FAM163B: variants seen among roughly 807,000 people sequenced by gnomAD.
FAM163B encodes family with sequence similarity 163 member B.
A neutral mutation model predicts 7.6 loss-of-function variants in FAM163B; 4 were observed. The observed-to-expected ratio is 0.52, with a 90% CI of 0.26 to 1.20. FAM163B has a LOEUF of 1.20. Ranked by LOEUF, FAM163B falls within the 50% of genes most tolerant of loss-of-function variation. The probability of loss-of-function intolerance (pLI) is 0.14; values close to 1 mark genes in which losing one functional copy is unlikely to be tolerated. For missense variants in FAM163B, 250 were observed against 243.0 expected, an observed-to-expected ratio of 1.03 and a Z score of -0.19; for synonymous variants, 120 against 111.6, an observed-to-expected ratio of 1.07 and a Z score of -0.47.
At chr9:133,592,502 G>T (rs1831569168) in intron 1 of FAM163B, among the ~76,000 whole-genome samples, 1 of 152,192 alleles carries the variant, frequency 6.6e-6, no homozygotes, top group Admixed American at 6.5e-5. Context: ...TTCCAGGAAG[G>T]TGCCCACGCT....
In FAM163B at chr9:133,609,376, G is replaced by T. The variant is rs148428140; in HGVS notation, c.-323C>A. On this transcript the variant is annotated 5_prime_UTR_variant, in exon 1 of 3. Transcript: ENST00000673969. ...GCGCGGCTCCAGCCTGGTCCCGAGC[G>T]CAGGGCGCGCGCTGGCGGGGAGGGC... 0.068 allele frequency among the ~76,000 whole-genome samples: 10,174 copies of T among 149,662 alleles called. 477 individuals are homozygous for T. Among genetic ancestry groups the T allele is most frequent in the Non-Finnish European group, 0.11 (7,476 of 67,112 alleles).
chr9:133,598,667 T>C (rs1831666939), intron 1 of FAM163B, among the ~76,000 whole-genome samples: 1 of 152,000 alleles, frequency 6.6e-6, no homozygotes, highest in Non-Finnish European at 1.5e-5. Context: ...AGTGGTGAAT[T>C]AGAATAACGC....
intron 1 of FAM163B, among the ~76,000 whole-genome samples, chr9:133,596,406 CG>C (rs1028728827): frequency 2.6e-5 from 1 of 37,740 alleles, no homozygotes; most frequent in South Asian, 6.9e-4. Flanking sequence ...AACTGGTGGG[CG>C]GGGGCGGGGG....
rs1296079611 is a variant in FAM163B at position 133,606,708 on chromosome 9, G to A, written c.-24+2369C>T. Among the ~76,000 whole-genome samples, 1 of 152,240 alleles carries A rather than the reference G, an allele frequency of 6.6e-6. No homozygotes were observed. The highest frequency in any genetic ancestry group is 1.5e-5 in the Non-Finnish European group (1 of 68,040). ...TACTCTGAAGAGGGAAGTGGCGGTA[G>A]GGCCAGGAGCGGAGTGGAGGACAGA... On this transcript the variant is annotated intron_variant, in intron 1 of 2. Transcript: ENST00000673969. This position sits in a 1 kb window ranked among gnomAD's most constrained non-coding sequence, Gnocchi z 4.0.
intron 1 of FAM163B, among the ~76,000 whole-genome samples, chr9:133,593,050 C>T (rs3025298): frequency 1.3e-5 from 2 of 152,240 alleles, no homozygotes; most frequent in South Asian, 2.1e-4. Flanking sequence ...GTGTGAGTGC[C>T]GTGTGCGCCT....
intron 1 of FAM163B, among the ~76,000 whole-genome samples, chr9:133,590,064 TCCCCTTCCCTTCCCCTTC>T (rs1564193407): frequency 5.9e-4 from 9 of 15,346 alleles, no homozygotes; most frequent in African/African-American, 1.0e-3. Flanking sequence ...TCCCTTCCCT[TCCCCTTCCCTTCCCCTTC>T]CCCTTCCCTT....
Position 133,606,117 on chromosome 9 carries a change from C to T in FAM163B, c.-24+2960G>A, listed in dbSNP as rs986435524. ...AGCCTCCTCCTTCACTGATGAGGCC[C>T]GAGGGAAGGAGGAGGCACAGTCTCC... On this transcript the variant is annotated intron_variant, in intron 1 of 2. Transcript: ENST00000673969. The surrounding 1 kb of genome is among the most constrained non-coding windows in gnomAD (Gnocchi z 4.0). Among the ~76,000 whole-genome samples the T allele has an allele frequency of 2.0e-5, 3 of 152,126 alleles. No individual in the cohort carries two copies. Among genetic ancestry groups the T allele is most frequent in the Non-Finnish European group, 4.4e-5 (3 of 68,016 alleles).
chr9:133,595,552 C>G (rs1831617618), intron 1 of FAM163B, among the ~76,000 whole-genome samples: 2 of 152,146 alleles, frequency 1.3e-5, no homozygotes, highest in Admixed American at 6.5e-5. Context: ...GGGCATTGTG[C>G]TCTCCCCGAT....
chr9:133,586,914 C>T (rs977786303), intron 1 of FAM163B, among the ~76,000 whole-genome samples: 367 of 152,274 alleles, frequency 2.4e-3, no homozygotes, highest in African/African-American at 8.4e-3. Flanking sequence ...CCAGCGTAGG[C>T]GGCTTTCCCA....
chr9:133,579,361 G>C lies in FAM163B; in HGVS notation c.162C>G (p.His54Gln). The C allele has an allele frequency of 6.2e-7, 1 of 1,612,928 alleles. No individual in the cohort carries two copies. The highest frequency in any genetic ancestry group is 8.5e-7 in the Non-Finnish European group (1 of 1,179,756). Residue 54 changes from histidine (H) to glutamine (Q), a missense_variant, in exon 3 of 3, where the codon CAC becomes CAG. Coordinates refer to ENST00000673969, the MANE Select transcript of FAM163B (RefSeq NM_001080515.3). ...TGCGGTTGGAGTGCAGCGGGGGCAGGTGCGAGTGAACGGCGAAGTCTGGTT... is the reference window on the plus strand; with the variant it reads ...TGCGGTTGGAGTGCAGCGGGGGCAGCTGCGAGTGAACGGCGAAGTCTGGTT... ...EEEPDFAVHS[H>Q]LPPLHSNRNL...
chr9:133,585,242 C>A (rs1831417413), intron 1 of FAM163B, among the ~76,000 whole-genome samples: 1 of 152,188 alleles, frequency 6.6e-6, no homozygotes, highest in Non-Finnish European at 1.5e-5. Context: ...GCAGGAAACA[C>A]CTGGCAGCAG....
At position 133,580,115 on chromosome 9, in the gene FAM163B, C is replaced by T. The variant is rs1295491273; in HGVS notation, c.93+16G>A. On this transcript the variant is annotated intron_variant, in intron 2 of 2. Coordinates refer to ENST00000673969, the MANE Select transcript of FAM163B (RefSeq NM_001080515.3). ...GGCCTCCCTGCCCTGTCCCCTTCCC[C>T]GCCGCCCGGGAATACCTGGAGCCGG... The T allele has an allele frequency of 1.0e-5, 16 of 1,607,708 alleles. No individual in the cohort carries two copies. The African/African-American group carries it at 1.3e-4, about 13-fold the overall frequency.
intron 1 of FAM163B, among the ~76,000 whole-genome samples, chr9:133,590,104 T>TTCCCCTC (rs1831522802): frequency 3.1e-4 from 3 of 9,618 alleles, no homozygotes; most frequent in Admixed American, 1.2e-3. Context: ...CCCTTCCCCT[T>TTCCCCTC]CCCTTCCCCT....
rs7022799 is a variant in FAM163B, at chr9:133,606,283, G to A, written c.-24+2794C>T. 0.047 allele frequency among the ~76,000 whole-genome samples: 7,119 copies of A among 152,322 alleles called. 177 individuals are homozygous for A. Among genetic ancestry groups the A allele is most frequent in the Middle Eastern group, 0.082 (24 of 294 alleles). On this transcript the variant is annotated intron_variant, in intron 1 of 2. Coordinates refer to ENST00000673969, the MANE Select transcript of FAM163B (RefSeq NM_001080515.3). This position sits in a 1 kb window ranked among gnomAD's most constrained non-coding sequence, Gnocchi z 4.0. The stretch of plus-strand genomic sequence containing the variant: ...CCCTCTCCAGCAACCCCCAGCAAGC[G>A]GGGATTGGGCCAAGGCCTGCGGGAG...
chr9:133,594,903 C>T (rs10821576), intron 1 of FAM163B, among the ~76,000 whole-genome samples: 34,988 of 151,946 alleles, frequency 0.23, 4,534 homozygotes, highest in African/African-American at 0.32. Context: ...CTGGAGAAGC[C>T]CATCTTGCTT....
intron 1 of FAM163B, among the ~76,000 whole-genome samples, chr9:133,592,425 C>T: frequency 6.6e-6 from 1 of 152,174 alleles, no homozygotes; most frequent in Non-Finnish European, 1.5e-5. Flanking sequence ...TGTCCAGCAG[C>T]CACTAATGTC....
At chr9:133,594,030 G>A (rs566645306) in intron 1 of FAM163B, among the ~76,000 whole-genome samples, 2 of 152,336 alleles carry the variant, frequency 1.3e-5, no homozygotes, top group East Asian at 3.9e-4. Context: ...GGGCTGCGGG[G>A]ACATTTCTGT....
intron 1 of FAM163B, among the ~76,000 whole-genome samples, chr9:133,590,835 G>C (rs915653540): frequency 6.6e-6 from 1 of 152,194 alleles, no homozygotes. Context: ...GGTGTCAAGG[G>C]GCCGACAGAA....
rs13284090 is a variant in FAM163B at position 133,579,035 on chromosome 9, C to A, written c.488G>T (p.Ser163Ile). 3.4e-5 allele frequency: 52 copies of A among 1,552,140 alleles called. No individual in the cohort carries two copies. Among genetic ancestry groups the A allele is most frequent in the Non-Finnish European group, 4.4e-5 (51 of 1,150,886 alleles). The change falls in exon 3 of 3, where the codon AGC (serine) becomes ATC (isoleucine). Residue 163 changes from serine (S) to isoleucine (I), a missense_variant. Physicochemically the swap from Ser to Ile is moderately radical, Grantham distance 142 (BLOSUM62 -2). Transcript: ENST00000673969. ...GGCGGGCCCAGGTCACACGTCGGTG[C>A]TGATGCTGCGGCTCCTGGCGAAGGC... The part of the protein sequence containing the change: ...REAFARSRSI[S>I]TDV
Sources: allele counts gnomAD v4.1 joint callset (sites outside exome capture counted in the v4.1 genomes callset), GRCh38; gene constraint gnomAD v4.1.1; non-coding constraint Gnocchi (gnomAD v3.1); transcripts MANE v1.5; gene names NCBI Gene and HGNC (gene_info 2026-07-23, HGNC 2026-07-21).